Variants in IGDCC4 observed in about 807,000 individuals in gnomAD.
The protein encoded by IGDCC4 is likely ortholog of mouse neighbor of Punc E11.
In IGDCC4, 72 loss-of-function variants were observed where a neutral mutation model predicts 116.6. The ratio of observed to expected loss-of-function variants is 0.62; its 90% CI spans 0.51 to 0.75. The LOEUF (loss-of-function observed/expected upper bound fraction) is 0.75. IGDCC4 is among the 30% of genes least tolerant of loss of function. The pLI is 0.00. For synonymous variants in IGDCC4, 709 were observed against 719.9 expected (o/e 0.98, Z 0.24); for missense variants, 1,501 against 1,662.4 (o/e 0.90, Z 1.69).
intron 3 of IGDCC4, among the ~76,000 whole-genome samples, chr15:65,403,314 C>T (rs1431968032): frequency 1.3e-5 from 2 of 152,136 alleles, no homozygotes; most frequent in Non-Finnish European, 2.9e-5. Flanking sequence ...GACATGTAGG[C>T]TTCTGTGCTT....
Position 65,389,268 on chromosome 15 carries a change from G to T in IGDCC4, c.2536+16C>A. ...GCAAAAGATGGGTTGGTGGCAAGGG[G>T]CTGGGAGCCACTCACGGTCAGGCAG... is the stretch of plus-strand genomic sequence containing the variant. On this transcript the variant is annotated intron_variant, in intron 14 of 19. Transcript: ENST00000352385. 1.2e-6 allele frequency: 2 copies of T among 1,611,130 alleles called. No homozygotes were observed. The highest frequency in any genetic ancestry group is 1.7e-6 in the Non-Finnish European group (2 of 1,178,616).
At chr15:65,385,218 C>T in intron 18 of IGDCC4, 103 bp from the exon 19 acceptor site, 1 of 1,210,902 alleles carries the variant, frequency 8.3e-7, no homozygotes, top group East Asian at 2.7e-5. Flanking sequence ...GGAGCAGGGT[C>T]CAGACTGTCA....
At chr15:65,410,389 G>C in intron 2 of IGDCC4, 70 bp from the exon 3 acceptor site, 2 of 1,572,418 alleles carry the variant, frequency 1.3e-6, no homozygotes, top group East Asian at 2.3e-5. Flanking sequence ...AGCACAAACA[G>C]TGAAACACAT....
chr15:65,408,471 T>C (rs1275688694), intron 3 of IGDCC4, among the ~76,000 whole-genome samples: 1 of 152,316 alleles, frequency 6.6e-6, no homozygotes, highest in African/African-American at 2.4e-5. Context: ...TTCCCAGGGT[T>C]CACCCTCTAG....
Position 65,384,977 on chromosome 15 carries a change from C to G in IGDCC4, c.3319G>C (p.Ala1107Pro). The G allele has an allele frequency of 1.2e-6, 2 of 1,611,194 alleles. No individual in the cohort carries two copies. Among genetic ancestry groups the G allele is most frequent in the South Asian group, 2.2e-5 (2 of 90,960 alleles). The change falls in exon 19 of 20, where the codon GCT becomes CCT. Residue 1107 changes from alanine (A) to proline (P), a missense_variant. Ala to Pro is a conservative substitution (Grantham distance 27). This residue lies in a region of IGDCC4 where 368 missense variants were observed against 355.6 expected (regional missense o/e 1.03). Coordinates refer to ENST00000352385, the MANE Select transcript of IGDCC4 (RefSeq NM_020962.3). This position sits in a 1 kb window ranked among gnomAD's most constrained non-coding sequence, Gnocchi z 4.9. ...ACCTTTATGGCGTCGTACACCAGAGCCTGCAGCAACAGCGTCTGCCCAGTT... is the reference window on the plus strand; with the variant it reads ...ACCTTTATGGCGTCGTACACCAGAGGCTGCAGCAACAGCGTCTGCCCAGTT... ...AGTGQTLLLQ[A>P]LVYDAIKGNG...
At chr15:65,389,494 T>TCAGCCC in intron 13 of IGDCC4, 83 bp from the exon 14 acceptor site, 1 of 1,586,652 alleles carries the variant, frequency 6.3e-7, no homozygotes, top group African/African-American at 1.3e-5. Flanking sequence ...TCCCCTGCAG[T>TCAGCCC]CAGCCCCAGC....
intron 3 of IGDCC4, among the ~76,000 whole-genome samples, chr15:65,406,474 C>T (rs920460745): frequency 7.0e-4 from 107 of 152,156 alleles, no homozygotes; most frequent in African/African-American, 2.3e-3. Flanking sequence ...GTATGAGTAC[C>T]GGGGATTTGC....
Position 65,396,748 on chromosome 15 carries a change from C to G in IGDCC4, c.997+86G>C, listed in dbSNP as rs1010305416. Reference sequence around the variant, plus strand: ...CCTCCAGGAGAGCGCCTGAGTGCCCCCAGCACACCCACCCGTCCACCTCCC... The same window carrying G: ...CCTCCAGGAGAGCGCCTGAGTGCCCGCAGCACACCCACCCGTCCACCTCCC... On this transcript the variant is annotated intron_variant, in intron 6 of 19. Transcript: ENST00000352385. The G allele has an allele frequency of 6.7e-6, 10 of 1,492,522 alleles. No homozygotes were observed. In the African/African-American group the frequency reaches 1.1e-4, roughly 17 times the overall value. 92.5% of individuals were successfully genotyped at this position (1,492,522 alleles called of 1,614,324 possible).
At position 65,407,801 on chromosome 15, in the gene IGDCC4, A is replaced by T. The variant is rs1473310838; in HGVS notation, c.563+2377T>A. On this transcript the variant is annotated intron_variant, in intron 3 of 19. Transcript: ENST00000352385. ...GTCACCACGCCTGGATAATTTTTGT[A>T]TTTTTTTTTTTTTTAGTAGAGATAG... Among the ~76,000 whole-genome samples, 5 of 142,800 alleles carry T rather than the reference A, an allele frequency of 3.5e-5. No homozygotes were observed. The East Asian group carries it at 6.1e-4, about 17-fold the overall frequency. 93.7% of individuals were successfully genotyped at this position (142,800 alleles called of 152,430 possible).
At chr15:65,387,956 C>G (rs947556450) in intron 16 of IGDCC4, among the ~76,000 whole-genome samples, 2 of 151,840 alleles carry the variant, frequency 1.3e-5, no homozygotes, top group Non-Finnish European at 2.9e-5. Context: ...CTAAAAAATA[C>G]AATAATTGGC....
chr15:65,417,145 C>A (rs770104208), intron 1 of IGDCC4, among the ~76,000 whole-genome samples: 2 of 152,160 alleles, frequency 1.3e-5, no homozygotes, highest in East Asian at 3.9e-4. Flanking sequence ...AAATTCTCCA[C>A]GACACCATCA....
intron 3 of IGDCC4, 117 bp from the exon 4 acceptor site, chr15:65,402,604 C>A: frequency 1.5e-6 from 2 of 1,341,594 alleles, no homozygotes; most frequent in Non-Finnish European, 2.0e-6. Flanking sequence ...CGCAGTGGCT[C>A]ACGCCTATAA....
Position 65,402,493 on chromosome 15 carries a change from G to A in IGDCC4, c.564-6C>T, listed in dbSNP as rs2062997935. The A allele has an allele frequency of 1.3e-6, 2 of 1,565,360 alleles. No individual in the cohort carries two copies. Among genetic ancestry groups the A allele is most frequent in the African/African-American group, 1.3e-5 (1 of 74,130 alleles). On this transcript the variant is annotated splice_region_variant and splice_polypyrimidine_tract_variant and intron_variant, in intron 3 of 19. Transcript: ENST00000352385. ...CGTTGGGAAGCACGATGAGCCTTGG[G>A]AAGAGGGGAGCAGGCAACTGTGAGG... is the stretch of plus-strand genomic sequence containing the variant.
At chr15:65,385,363 G>C in intron 18 of IGDCC4, 2 of 562,220 alleles carry the variant, frequency 3.6e-6, no homozygotes, top group Non-Finnish European at 6.2e-6. Flanking sequence ...CGGTGTCCGA[G>C]CCAGGCGGGG....
Position 65,422,855 on chromosome 15 carries a change from C to T in IGDCC4, c.8G>A (p.Arg3Gln), listed in dbSNP as rs1287814422. MA[R>Q]GDAGRGRGLL... The stretch of plus-strand genomic sequence containing the variant: ...CCCGCGGCCGCGGCCGGCGTCCCCC[C>T]GCGCCATGGGGCTGGGCTCGGGCCG... Residue 3 changes from arginine to glutamine, a missense_variant, in exon 1 of 20, where the codon CGG becomes CAG. Arg to Gln is a conservative substitution (Grantham distance 43, BLOSUM62 1). Transcript: ENST00000352385. 10 of 1,188,286 alleles carry T rather than the reference C, an allele frequency of 8.4e-6. No individual in the cohort carries two copies. Among genetic ancestry groups the T allele is most frequent in the Non-Finnish European group, 1.0e-5 (10 of 956,902 alleles). The allele number at this position is 1,188,286 out of a possible 1,614,324, so 73.6% of individuals were successfully genotyped here.
chr15:65,393,416 C>G lies in IGDCC4; in HGVS notation c.1830G>C (p.Gly610=). 6.2e-7 allele frequency: 1 copy of G among 1,613,680 alleles called. No individual in the cohort carries two copies. Among genetic ancestry groups the G allele is most frequent in the Non-Finnish European group, 8.5e-7 (1 of 1,179,818 alleles). ...RISAGTAAGF[G]APSQWMHHRT... Reference sequence around the variant, plus strand: ...TGTGATGCATCCACTGGGAGGGGGCCCCGAAGCCGGCTGCTGTACCAGCCG... The same window carrying G: ...TGTGATGCATCCACTGGGAGGGGGCGCCGAAGCCGGCTGCTGTACCAGCCG... The change falls in exon 10 of 20, where the codon GGG becomes GGC. Residue 610 remains glycine (G), a synonymous_variant. Coordinates refer to ENST00000352385, the MANE Select transcript of IGDCC4 (RefSeq NM_020962.3). The surrounding 1 kb of genome is among the most constrained non-coding windows in gnomAD (Gnocchi z 4.6).
At chr15:65,419,166 C>T (rs1287204681) in intron 1 of IGDCC4, among the ~76,000 whole-genome samples, 5 of 152,000 alleles carry the variant, frequency 3.3e-5, no homozygotes, top group Non-Finnish European at 7.4e-5. Context: ...AAGCAATCCT[C>T]CCACTTCGGC....
At position 65,416,048 on chromosome 15, in the gene IGDCC4, C is replaced by T. The variant is rs187371581; in HGVS notation, c.71-4678G>A. Among the ~76,000 whole-genome samples, 304 of 151,780 alleles carry T rather than the reference C, an allele frequency of 2.0e-3. 1 individual carries two copies. Among genetic ancestry groups the T allele is most frequent in the African/African-American group, 7.0e-3 (290 of 41,360 alleles). On this transcript the variant is annotated intron_variant, in intron 1 of 19. Coordinates refer to ENST00000352385, the MANE Select transcript of IGDCC4 (RefSeq NM_020962.3). ...CCCCAATTTTAAAATGAGAAGTCTC[C>T]AAACTTCTCAAACGTTTTCACCCAA...
chr15:65,399,661 A>G (rs763594748), intron 5 of IGDCC4, among the ~76,000 whole-genome samples: 8 of 152,152 alleles, frequency 5.3e-5, no homozygotes, highest in Non-Finnish European at 5.9e-5. Flanking sequence ...CACAGGTCCA[A>G]TGAGGCAGTG....
Sources: allele counts gnomAD v4.1 joint callset (sites outside exome capture counted in the v4.1 genomes callset), GRCh38; gene constraint gnomAD v4.1.1; regional missense constraint gnomAD v4.1.1; non-coding constraint Gnocchi (gnomAD v3.1); transcripts MANE v1.5; gene names NCBI Gene and HGNC (gene_info 2026-07-23, HGNC 2026-07-21).